Variants in CSMD1 observed in about 807,000 individuals in gnomAD.
The protein encoded by CSMD1 is CUB and sushi domain-containing protein 1.
In CSMD1, 213 loss-of-function variants were observed where a neutral mutation model predicts 417.5. That is an observed-to-expected ratio of 0.51 (90% confidence interval 0.46 to 0.57). The LOEUF (loss-of-function observed/expected upper bound fraction) is 0.57, where lower values mean the gene tolerates loss of function less well. CSMD1 is among the 20% of genes least tolerant of loss of function. The pLI is 0.00. For synonymous variants in CSMD1, 2,862 were observed against 1,736.8 expected, an observed-to-expected ratio of 1.65 and a Z score of -16.11; for missense variants, 6,923 against 4,529.7, an observed-to-expected ratio of 1.53 and a Z score of -15.17.
At chr8:3,951,834 C>T (rs183373136) in intron 5 of CSMD1, among the ~76,000 whole-genome samples, 2 of 151,600 alleles carry the variant, frequency 1.3e-5, no homozygotes, top group Admixed American at 6.6e-5. Context: ...TCAAAGTTAA[C>T]CCAAAAAGAA....
intron 5 of CSMD1, among the ~76,000 whole-genome samples, chr8:3,927,406 C>T (rs916186025): frequency 6.6e-6 from 1 of 151,978 alleles, no homozygotes; most frequent in Non-Finnish European, 1.5e-5. Flanking sequence ...GTGGCTCCTA[C>T]CTGTGGTCCC....
intron 2 of CSMD1, among the ~76,000 whole-genome samples, chr8:4,538,607 T>C (rs113168764): frequency 0.1 from 15,248 of 151,972 alleles, 902 homozygotes; most frequent in East Asian, 0.23. Flanking sequence ...CGCACCACTG[T>C]ACTCCAGTAT....
intron 61 of CSMD1, among the ~76,000 whole-genome samples, chr8:2,961,489 T>C (rs1287423783): frequency 6.6e-6 from 1 of 151,972 alleles, no homozygotes. Flanking sequence ...CTTTTTTTTC[T>C]ATAGAAATAT....
intron 5 of CSMD1, among the ~76,000 whole-genome samples, chr8:3,766,118 C>T (rs776611321): frequency 6.6e-6 from 1 of 152,190 alleles, no homozygotes; most frequent in South Asian, 2.1e-4. Flanking sequence ...ATAAGACAGT[C>T]GAGAGACAGT....
In CSMD1 at chr8:3,619,988, G is replaced by T. The variant is rs541691957; in HGVS notation, c.1010-3191C>A. Among the ~76,000 whole-genome samples the T allele has an allele frequency of 3.3e-5, 5 of 152,274 alleles. No homozygotes were observed. In the South Asian group the frequency reaches 8.3e-4, roughly 25 times the overall value. Reference sequence around the variant, plus strand: ...ATGGTGGCAGGCACCTGTAATCCCAGCTACTTGGGAGGCTGAGACAGGAGA... The same window carrying T: ...ATGGTGGCAGGCACCTGTAATCCCATCTACTTGGGAGGCTGAGACAGGAGA... On this transcript the variant is annotated intron_variant, in intron 7 of 69. Transcript: ENST00000635120.
intron 41 of CSMD1, among the ~76,000 whole-genome samples, chr8:3,124,125 A>T (rs1021798536): frequency 6.6e-6 from 1 of 152,116 alleles, no homozygotes; most frequent in Non-Finnish European, 1.5e-5. Context: ...GCAACAAAAC[A>T]ATTATCCTGT....
intron 3 of CSMD1, among the ~76,000 whole-genome samples, chr8:4,133,973 C>G (rs1803266594): frequency 6.6e-6 from 1 of 152,100 alleles, no homozygotes; most frequent in Non-Finnish European, 1.5e-5. Context: ...CATTTTTAAA[C>G]TTCGGTTTTC....
At chr8:4,619,622 A>G (rs1007065175) in intron 2 of CSMD1, among the ~76,000 whole-genome samples, 1 of 152,070 alleles carries the variant, frequency 6.6e-6, no homozygotes, top group Non-Finnish European at 1.5e-5. Flanking sequence ...CCGTCTGTGC[A>G]CTCTGTACTC....
chr8:4,819,884 C>A (rs1585154819), intron 1 of CSMD1, among the ~76,000 whole-genome samples: 1 of 151,864 alleles, frequency 6.6e-6, no homozygotes, highest in African/African-American at 2.4e-5. Context: ...GAACTATCTG[C>A]CCTGTGGACT....
intron 5 of CSMD1, among the ~76,000 whole-genome samples, chr8:3,795,067 T>G (rs1458916158): frequency 6.7e-6 from 1 of 150,080 alleles, no homozygotes; most frequent in African/African-American, 2.4e-5. Flanking sequence ...TATAGATATA[T>G]ATCTATCATG....
chr8:4,395,909 G>A (rs111290471), intron 3 of CSMD1, among the ~76,000 whole-genome samples: 131 of 152,298 alleles, frequency 8.6e-4, no homozygotes, highest in African/African-American at 2.9e-3. Context: ...AAGTGTAATT[G>A]TAAGTCTGAC....
At chr8:3,493,771 C>A (rs750591289) in intron 10 of CSMD1, 45 bp from the exon 11 acceptor site, 1 of 1,510,688 alleles carries the variant, frequency 6.6e-7, no homozygotes, top group Non-Finnish European at 9.1e-7. Flanking sequence ...ACAGGTACTT[C>A]CCATGACTTT....
At chr8:3,752,596 G>C (rs746711830) in intron 6 of CSMD1, among the ~76,000 whole-genome samples, 1 of 144,588 alleles carries the variant, frequency 6.9e-6, no homozygotes, top group Non-Finnish European at 1.5e-5. Context: ...GGAGGTTGCA[G>C]TGAGGCAAGA....
intron 3 of CSMD1, among the ~76,000 whole-genome samples, chr8:4,247,124 G>A (rs1240062686): frequency 6.6e-6 from 1 of 152,160 alleles, no homozygotes; most frequent in Non-Finnish European, 1.5e-5. Context: ...AAAAGGAAAG[G>A]AAATCACACC....
intron 3 of CSMD1, among the ~76,000 whole-genome samples, chr8:4,180,851 A>G (rs187136847): frequency 5.3e-5 from 8 of 152,286 alleles, no homozygotes; most frequent in Non-Finnish European, 1.0e-4. Flanking sequence ...ATGATATTTA[A>G]AAGCTCACGA....
intron 6 of CSMD1, among the ~76,000 whole-genome samples, chr8:3,736,655 C>G (rs982737804): frequency 6.6e-5 from 10 of 152,166 alleles, no homozygotes; most frequent in South Asian, 2.1e-4. Flanking sequence ...TCTTCCATCA[C>G]CTGCGACCTG....
intron 5 of CSMD1, chr8:3,949,970 G>C (rs1171500356): frequency 2.2e-6 from 1 of 455,910 alleles, no homozygotes; most frequent in East Asian, 7.0e-5. Flanking sequence ...AGAGCGACGT[G>C]TCTCCAGGCT....
At chr8:4,132,848 G>C (rs1378942525) in intron 3 of CSMD1, among the ~76,000 whole-genome samples, 1 of 152,154 alleles carries the variant, frequency 6.6e-6, no homozygotes, top group Non-Finnish European at 1.5e-5. Context: ...TGTAGCTCAA[G>C]ACAACTAGGA....
At chr8:4,437,450 A>G (rs935292810) in intron 2 of CSMD1, among the ~76,000 whole-genome samples, 1 of 152,190 alleles carries the variant, frequency 6.6e-6, no homozygotes, top group East Asian at 1.9e-4. Flanking sequence ...AATCAGAAAC[A>G]TTCACCAAAA....
Sources: allele counts gnomAD v4.1 joint callset (sites outside exome capture counted in the v4.1 genomes callset), GRCh38; gene constraint gnomAD v4.1.1; transcripts MANE v1.5; gene names NCBI Gene and HGNC (gene_info 2026-07-23, HGNC 2026-07-21).